Variants in DOCK9 observed in about 807,000 individuals in gnomAD.
DOCK9 encodes dedicator of cytokinesis 9, also known as dedicator of cytokinesis protein 9.
DOCK9 carries 89 observed loss-of-function variants against 263.3 expected under a neutral mutation model. The observed-to-expected ratio is 0.34, with a 90% CI of 0.28 to 0.40. The LOEUF (loss-of-function observed/expected upper bound fraction) is 0.40, where lower values mean the gene tolerates loss of function less well. Ranked by LOEUF, DOCK9 falls within the 10% of genes least tolerant of loss-of-function variation. The probability of loss-of-function intolerance (pLI) is 1.00; values close to 1 mark genes in which losing one functional copy is unlikely to be tolerated. For synonymous variants in DOCK9, 976 were observed against 973.1 expected, an observed-to-expected ratio of 1.00 and a Z score of -0.06; for missense variants, 2,140 against 2,603.4, an observed-to-expected ratio of 0.82 and a Z score of 3.87.
At chr13:98,940,506 A>G (rs2055641279) in intron 2 of DOCK9, among the ~76,000 whole-genome samples, 4 of 152,072 alleles carry the variant, frequency 2.6e-5, no homozygotes, top group Admixed American at 2.6e-4. Flanking sequence ...TCCAGCGATC[A>G]TCCCACCGTG....
rs9517468 is a variant in DOCK9 at position 98,863,412 on chromosome 13, G to A, written c.3423C>T (p.Asn1141=). 0.022 allele frequency: 35,489 copies of A among 1,613,850 alleles called. 705 individuals are homozygous for A. The highest frequency in any genetic ancestry group is 0.077 in the South Asian group (7,022 of 91,062). Residue 1141 remains asparagine, a synonymous_variant, in exon 31 of 53, where the codon AAC becomes AAT. Coordinates refer to ENST00000682017, the MANE Select transcript of DOCK9 (RefSeq NM_001366683.2). ...VRLIAISVLK[N]LLIKHSFDDR... is the part of the protein sequence containing the mutation. ...CATCAAAAGAATGCTTTATCAGCAG[G>A]TTCTTGAGCACACTGATGGCGATCA...
chr13:99,070,098 T>C (rs1473327082), intron 1 of DOCK9, among the ~76,000 whole-genome samples: 1 of 152,238 alleles, frequency 6.6e-6, no homozygotes, highest in Non-Finnish European at 1.5e-5. Context: ...CTATGAGCAT[T>C]TAATGCAGGG....
chr13:99,048,700 T>C (rs899725428), intron 1 of DOCK9, among the ~76,000 whole-genome samples: 6 of 152,228 alleles, frequency 3.9e-5, no homozygotes, highest in Non-Finnish European at 8.8e-5. Context: ...ACAGCTCACA[T>C]GCAACACTCC....
At chr13:98,804,204 C>A (rs1469755450) in intron 49 of DOCK9, among the ~76,000 whole-genome samples, 1 of 152,154 alleles carries the variant, frequency 6.6e-6, no homozygotes, top group Non-Finnish European at 1.5e-5. Flanking sequence ...GCTGGCACAC[C>A]TGGCATTCTC....
chr13:98,831,960 C>T (rs2092781648), intron 39 of DOCK9, 174 bp from the exon 40 acceptor site: 1 of 737,076 alleles, frequency 1.4e-6, no homozygotes, highest in Admixed American at 3.0e-5. Context: ...ACAAGCAAAT[C>T]TATCAATACA....
rs2052386784 is a variant in DOCK9 at position 98,923,338 on chromosome 13, A to G, written c.450T>C (p.His150=). Residue 150 remains histidine, a synonymous_variant, in exon 5 of 53, where the codon CAT becomes CAC. Coordinates refer to ENST00000682017, the MANE Select transcript of DOCK9 (RefSeq NM_001366683.2). ...KVVKLDKLPV[H]VYEVDEEVDK... is the part of the protein sequence containing the mutation. ...CGACCTCCTCGTCAACTTCATAGAC[A>G]TGAACTGGAAGTTTATCCAACTTGA... is the stretch of plus-strand genomic sequence containing the variant. 1 of 1,613,844 alleles carries G rather than the reference A, an allele frequency of 6.2e-7. No individual in the cohort carries two copies.
At chr13:98,911,318 A>C (rs1367162571) in intron 9 of DOCK9, among the ~76,000 whole-genome samples, 1 of 152,250 alleles carries the variant, frequency 6.6e-6, no homozygotes, top group Admixed American at 6.5e-5. Flanking sequence ...GAAATGTTTC[A>C]AATTCCCAAC....
At chr13:98,997,793 A>G (rs1881391935) in intron 1 of DOCK9, among the ~76,000 whole-genome samples, 1 of 152,234 alleles carries the variant, frequency 6.6e-6, no homozygotes, top group South Asian at 2.1e-4. Context: ...TACAATAGAA[A>G]ACATTTCCAT....
At chr13:98,932,431 CA>C (rs988414855) in intron 2 of DOCK9, among the ~76,000 whole-genome samples, 3 of 133,978 alleles carry the variant, frequency 2.2e-5, no homozygotes, top group Non-Finnish European at 5.0e-5. Flanking sequence ...AACAAACAAA[CA>C]AAAAAACAGA....
In DOCK9 at chr13:98,810,261, C is replaced by T. The variant is rs368023321; in HGVS notation, c.5161G>A (p.Ala1721Thr). 86 of 1,613,740 alleles carry T rather than the reference C, an allele frequency of 5.3e-5. No individual in the cohort carries two copies. Among genetic ancestry groups the T allele is most frequent in the East Asian group, 1.3e-4 (6 of 44,880 alleles). The change falls in exon 46 of 53, where the codon GCA (alanine) becomes ACA (threonine). Residue 1721 changes from alanine (A) to threonine (T), a missense_variant. Physicochemically the swap from Ala to Thr is moderately conservative, Grantham distance 58. This residue lies in a region of DOCK9 where 619 missense variants were observed against 861.8 expected (regional missense o/e 0.72). Transcript: ENST00000682017. The part of the protein sequence containing the change: ...DVLMELLEQC[A>T]DGLWKAERYE... ...CGCTCGGCTTTCCAGAGTCCATCTGCGCACTGCTCAAGGAGCTCCATCAGC... is the reference window on the plus strand; with the variant it reads ...CGCTCGGCTTTCCAGAGTCCATCTGTGCACTGCTCAAGGAGCTCCATCAGC...
chr13:99,038,466 G>A (rs61968943), intron 1 of DOCK9, among the ~76,000 whole-genome samples: 22,672 of 151,316 alleles, frequency 0.15, 2,428 homozygotes, highest in East Asian at 0.43. Flanking sequence ...CACCACGCCC[G>A]GCTAACTTTC....
chr13:98,804,534 C>T (rs1236889376), intron 49 of DOCK9, among the ~76,000 whole-genome samples: 2 of 152,164 alleles, frequency 1.3e-5, no homozygotes, highest in Non-Finnish European at 2.9e-5. Context: ...CCGGGGGCAA[C>T]AGCGTGGGGC....
intron 1 of DOCK9, among the ~76,000 whole-genome samples, chr13:99,082,062 TAC>T (rs1031461547): frequency 6.6e-6 from 1 of 151,590 alleles, no homozygotes; most frequent in Non-Finnish European, 1.5e-5. Flanking sequence ...TAAAAAAAAA[TAC>T]AAAAATTAGC....
In DOCK9 at chr13:98,888,498, A is replaced by G; in HGVS notation, c.1839T>C (p.Ser613=). ...YIPTKQFETC[S]KTPITFEVEE... ...CCACTTCAAACGTGATGGGAGTTTT[A>G]CTGCAGGTTTCAAATTGTTTTGTGG... The change falls in exon 17 of 53, where the codon AGT becomes AGC. Residue 613 remains serine (S), a synonymous_variant. Coordinates refer to ENST00000682017, the MANE Select transcript of DOCK9 (RefSeq NM_001366683.2). 1 of 1,614,016 alleles carries G rather than the reference A, an allele frequency of 6.2e-7. No individual in the cohort carries two copies. Among genetic ancestry groups the G allele is most frequent in the Non-Finnish European group, 8.5e-7 (1 of 1,179,864 alleles).
chr13:99,087,002 G>A (rs2042363111), upstream of DOCK9, among the ~76,000 whole-genome samples: 1 of 152,138 alleles, frequency 6.6e-6, no homozygotes, highest in Non-Finnish European at 1.5e-5. Context: ...CTGCGCTCGA[G>A]GGGACCCCGA....
At chr13:98,969,727 A>G (rs572541599) in intron 1 of DOCK9, among the ~76,000 whole-genome samples, 160 of 152,342 alleles carry the variant, frequency 1.1e-3, no homozygotes, top group African/African-American at 3.6e-3. Flanking sequence ...GGCTTGAAGC[A>G]TAAAATGATG....
rs2092768675 is a variant in DOCK9 at position 98,831,631 on chromosome 13, G to A, written c.4452+18C>T. The A allele has an allele frequency of 6.2e-7, 1 of 1,610,530 alleles. No individual in the cohort carries two copies. Among genetic ancestry groups the A allele is most frequent in the African/African-American group, 1.3e-5 (1 of 74,766 alleles). ...GGAAGAAGGAAAACATCTAACCACTGCCCATGAAGCAACTTACCTTATAAA... is the reference window on the plus strand; with the variant it reads ...GGAAGAAGGAAAACATCTAACCACTACCCATGAAGCAACTTACCTTATAAA... On this transcript the variant is annotated intron_variant, in intron 40 of 52. Transcript: ENST00000682017.
upstream of DOCK9, chr13:99,088,462 C>A (rs1187542180): frequency 6.6e-6 from 1 of 152,180 alleles, no homozygotes; most frequent in Non-Finnish European, 1.5e-5. Flanking sequence ...CAGTTGTCTT[C>A]TGAGAATCAT....
intron 6 of DOCK9, among the ~76,000 whole-genome samples, chr13:98,921,790 A>G (rs1171794380): frequency 6.6e-6 from 1 of 152,176 alleles, no homozygotes; most frequent in African/African-American, 2.4e-5. Flanking sequence ...TATTACAGAG[A>G]AGAAAGCCTA....
Sources: allele counts gnomAD v4.1 joint callset (sites outside exome capture counted in the v4.1 genomes callset), GRCh38; gene constraint gnomAD v4.1.1; regional missense constraint gnomAD v4.1.1; transcripts MANE v1.5; gene names NCBI Gene and HGNC (gene_info 2026-07-23, HGNC 2026-07-21).